RPS6KC1: variants seen among roughly 807,000 people sequenced by gnomAD.
RPS6KC1 encodes inactive ribosomal protein S6 kinase delta-1.
A neutral mutation model predicts 103.8 loss-of-function variants in RPS6KC1; 54 were observed. The observed-to-expected ratio is 0.52, with a 90% CI of 0.42 to 0.65. RPS6KC1 has a LOEUF of 0.65. RPS6KC1 is among the 30% of genes least tolerant of loss of function. RPS6KC1 has a pLI of 0.00. For missense variants in RPS6KC1, 1,151 were observed against 1,253.8 expected (o/e 0.92, Z 1.24); for synonymous variants, 439 against 438.7 (o/e 1.00, Z -0.01).
At chr1:213,761,020 A>G in the RPS6KC1 span, among the ~76,000 whole-genome samples, 1 of 151,634 alleles carries the variant, frequency 6.6e-6, no homozygotes, top group Non-Finnish European at 1.5e-5. Context: ...AATGAGCTCC[A>G]TATCTAGTTT....
the RPS6KC1 span, among the ~76,000 whole-genome samples, chr1:213,458,390 C>T: frequency 1.3e-5 from 2 of 151,278 alleles, no homozygotes; most frequent in African/African-American, 4.9e-5. Context: ...TTTTTTTAAT[C>T]CAGCCCACCG....
the RPS6KC1 span, among the ~76,000 whole-genome samples, chr1:213,603,682 A>T: frequency 6.6e-6 from 1 of 151,910 alleles, no homozygotes; most frequent in African/African-American, 2.4e-5. Flanking sequence ...CAACTGGAGA[A>T]ACCCTGTCTG....
At chr1:213,131,671 T>C (rs2085642602) in intron 6 of RPS6KC1, among the ~76,000 whole-genome samples, 1 of 152,232 alleles carries the variant, frequency 6.6e-6, no homozygotes, top group Non-Finnish European at 1.5e-5. Context: ...CTCGAACTAC[T>C]GACCTCAGGT....
chr1:213,632,352 G>A, the RPS6KC1 span, among the ~76,000 whole-genome samples: 1 of 152,236 alleles, frequency 6.6e-6, no homozygotes, highest in African/African-American at 2.4e-5. Context: ...CAGAAGACAG[G>A]TGATTTCTGC....
At chr1:213,497,922 G>T in the RPS6KC1 span, among the ~76,000 whole-genome samples, 1 of 151,922 alleles carries the variant, frequency 6.6e-6, no homozygotes, top group Non-Finnish European at 1.5e-5. Flanking sequence ...TTAAAATTCC[G>T]TGCTAATAAT....
the RPS6KC1 span, among the ~76,000 whole-genome samples, chr1:213,415,931 G>A: frequency 1.3e-5 from 2 of 152,240 alleles, no homozygotes; most frequent in African/African-American, 4.8e-5. Flanking sequence ...GGGAGAGAAT[G>A]TGAACTATTT....
chr1:213,177,718 A>G (rs1272560796), intron 8 of RPS6KC1, among the ~76,000 whole-genome samples: 1 of 152,158 alleles, frequency 6.6e-6, no homozygotes, highest in African/African-American at 2.4e-5. Flanking sequence ...GATGAAGACA[A>G]TATAGTAATT....
At chr1:213,095,432 ATAAT>A (rs2081359465) in intron 3 of RPS6KC1, among the ~76,000 whole-genome samples, 1 of 152,258 alleles carries the variant, frequency 6.6e-6, no homozygotes, top group Admixed American at 6.5e-5. Flanking sequence ...GTTCTTCTAA[ATAAT>A]AAAAACAACA....
the RPS6KC1 span, among the ~76,000 whole-genome samples, chr1:213,472,276 T>C: frequency 6.6e-6 from 1 of 152,248 alleles, no homozygotes; most frequent in Admixed American, 6.5e-5. Flanking sequence ...ATTCAGATCA[T>C]ATCTGTCTGA....
At chr1:213,185,134 T>C (rs1300033971) in intron 8 of RPS6KC1, among the ~76,000 whole-genome samples, 1 of 152,176 alleles carries the variant, frequency 6.6e-6, no homozygotes, top group Non-Finnish European at 1.5e-5. Context: ...ATTAGATCTA[T>C]TATGTTTATT....
At chr1:213,731,724 A>AT in the RPS6KC1 span, among the ~76,000 whole-genome samples, 2 of 152,348 alleles carry the variant, frequency 1.3e-5, no homozygotes, top group South Asian at 4.1e-4. Flanking sequence ...CATCGATAAA[A>AT]ATAAAATAAT....
the RPS6KC1 span, among the ~76,000 whole-genome samples, chr1:213,522,841 A>T: frequency 6.6e-6 from 1 of 152,224 alleles, no homozygotes; most frequent in Non-Finnish European, 1.5e-5. Flanking sequence ...TATCCGGACC[A>T]TTAAAACTTT....
chr1:213,526,558 G>A, the RPS6KC1 span, among the ~76,000 whole-genome samples: 5 of 152,148 alleles, frequency 3.3e-5, no homozygotes, highest in Admixed American at 6.6e-5. Flanking sequence ...AAAAATGATG[G>A]TATGTGTGCT....
chr1:213,563,129 G>A, the RPS6KC1 span, among the ~76,000 whole-genome samples: 1 of 151,938 alleles, frequency 6.6e-6, no homozygotes, highest in Non-Finnish European at 1.5e-5. Flanking sequence ...ATTAATTTTT[G>A]TTTCATATAT....
At chr1:213,574,199 T>C in the RPS6KC1 span, among the ~76,000 whole-genome samples, 2,309 of 152,342 alleles carry the variant, frequency 0.015, 63 homozygotes, top group African/African-American at 0.052. Context: ...TACGCCTCTT[T>C]CTTTCCTTGA....
chr1:213,267,543 C>G (rs2094940671), intron 14 of RPS6KC1, among the ~76,000 whole-genome samples: 1 of 151,832 alleles, frequency 6.6e-6, no homozygotes, highest in Admixed American at 6.6e-5. Flanking sequence ...GTCCCATATT[C>G]AGAAAAAAAA....
intron 3 of RPS6KC1, among the ~76,000 whole-genome samples, chr1:213,103,809 C>T (rs1558321885): frequency 6.6e-6 from 1 of 152,116 alleles, no homozygotes; most frequent in South Asian, 2.1e-4. Context: ...TTGAAAATGT[C>T]TTATCAGCAT....
the RPS6KC1 span, among the ~76,000 whole-genome samples, chr1:213,743,093 T>A: frequency 6.6e-6 from 1 of 152,252 alleles, no homozygotes; most frequent in Non-Finnish European, 1.5e-5. Flanking sequence ...ACTCATATGT[T>A]CATTGCTGTG....
chr1:213,589,743 C>G, the RPS6KC1 span, among the ~76,000 whole-genome samples: 1 of 151,880 alleles, frequency 6.6e-6, no homozygotes, highest in East Asian at 1.9e-4. Flanking sequence ...TACATTGTAC[C>G]ACCCATTAAC....
Sources: allele counts gnomAD v4.1 joint callset (sites outside exome capture counted in the v4.1 genomes callset), GRCh38; gene constraint gnomAD v4.1.1; transcripts MANE v1.5; gene names NCBI Gene and HGNC (gene_info 2026-07-23, HGNC 2026-07-21).